OXNAD1: variants seen among roughly 807,000 people sequenced by gnomAD.
OXNAD1 encodes the protein oxidoreductase NAD binding domain containing 1.
A neutral mutation model predicts 32.9 loss-of-function variants in OXNAD1; 34 were observed. The ratio of observed to expected loss-of-function variants is 1.03; its 90% CI spans 0.79 to 1.38. The LOEUF is 1.38. Among genes scored for constraint, OXNAD1 ranks in the 40% most tolerant of loss-of-function variants. OXNAD1 has a pLI of 0.00. For missense variants in OXNAD1, 407 were observed against 379.4 expected, an observed-to-expected ratio of 1.07 and a Z score of -0.60; for synonymous variants, 134 against 135.2, an observed-to-expected ratio of 0.99 and a Z score of 0.06.
At chr3:16,279,941 A>G (rs2065626855) in intron 4 of OXNAD1, among the ~76,000 whole-genome samples, 1 of 152,166 alleles carries the variant, frequency 6.6e-6, no homozygotes, top group Non-Finnish European at 1.5e-5. Flanking sequence ...GGATTAAAGG[A>G]GAAGCTTGTT....
intron 4 of OXNAD1, among the ~76,000 whole-genome samples, chr3:16,272,683 T>A (rs2065040079): frequency 6.9e-6 from 1 of 145,910 alleles, no homozygotes. Context: ...GTCTGTAAAA[T>A]TAGTTTAGCA....
rs1376772707 is a variant in OXNAD1 at position 16,289,655 on chromosome 3, C to T, written c.290+3207C>T. The stretch of plus-strand genomic sequence containing the variant: ...CAGCCCTGATTCTCACAGGACTGCA[C>T]ATAACATAGCACTGTATTCCTTGGC... On this transcript the variant is annotated intron_variant, in intron 5 of 8. Transcript: ENST00000285083. The surrounding 1 kb of genome is among the most constrained non-coding windows in gnomAD (Gnocchi z 4.9). Among the ~76,000 whole-genome samples the T allele has an allele frequency of 2.0e-5, 3 of 152,200 alleles. No individual in the cohort carries two copies. The highest frequency in any genetic ancestry group is 2.1e-4 in the South Asian group (1 of 4,832).
chr3:16,301,559 A>G lies in OXNAD1; in HGVS notation c.433-67A>G, dbSNP rs1235406806. 2.6e-6 allele frequency: 4 copies of G among 1,564,694 alleles called. No homozygotes were observed. Among genetic ancestry groups the G allele is most frequent in the Non-Finnish European group, 3.5e-6 (4 of 1,147,946 alleles). Reference sequence around the variant, plus strand: ...TACAGGAGATAGACCCAGTTTTATTAAAGTAGAACATTTGGTTTAAGACCT... The same window carrying G: ...TACAGGAGATAGACCCAGTTTTATTGAAGTAGAACATTTGGTTTAAGACCT... On this transcript the variant is annotated intron_variant, in intron 6 of 8. Transcript: ENST00000285083. This position sits in a 1 kb window ranked among gnomAD's most constrained non-coding sequence, Gnocchi z 4.1.
intron 6 of OXNAD1, 70 bp downstream of exon 6, chr3:16,295,067 C>A: frequency 6.8e-7 from 1 of 1,474,030 alleles, no homozygotes; most frequent in South Asian, 1.5e-5. Context: ...GTGTTAAGCT[C>A]ATTTGATTCA....
At position 16,271,835 on chromosome 3, in the gene OXNAD1, G is replaced by C; in HGVS notation, c.183+113G>C. On this transcript the variant is annotated intron_variant, in intron 4 of 8. Coordinates refer to ENST00000285083, the MANE Select transcript of OXNAD1 (RefSeq NM_138381.5). This position sits in a 1 kb window ranked among gnomAD's most constrained non-coding sequence, Gnocchi z 4.6. ...TCTGGTCCTTTTGAAGGAGAGTTGG[G>C]AAGTTTGTTATTTTTCTATTTAGAA... The C allele has an allele frequency of 1.1e-6, 1 of 910,134 alleles. No homozygotes were observed. The highest frequency in any genetic ancestry group is 1.7e-6 in the Non-Finnish European group (1 of 603,736). 56.4% of individuals were successfully genotyped at this position (910,134 alleles called of 1,614,324 possible).
rs897260521 is a variant in OXNAD1, at chr3:16,335,538, A to G, written c.*31-1574A>G. Among the ~76,000 whole-genome samples the G allele has an allele frequency of 6.6e-6, 1 of 152,164 alleles. No individual in the cohort carries two copies. The highest frequency in any genetic ancestry group is 1.5e-5 in the Non-Finnish European group (1 of 68,036). On this transcript the variant is annotated intron_variant, in intron 9 of 9. Transcript: ENST00000435829. This position sits in a 1 kb window ranked among gnomAD's most constrained non-coding sequence, Gnocchi z 4.7. ...AGAAAATCAAACACCACATGTTCTCACTTACAAGTGGGAGAGCTGAACGGT... is the reference window on the plus strand; with the variant it reads ...AGAAAATCAAACACCACATGTTCTCGCTTACAAGTGGGAGAGCTGAACGGT...
At chr3:16,310,235 C>T (rs955596839), downstream of OXNAD1, among the ~76,000 whole-genome samples, 4 of 152,142 alleles carry the variant, frequency 2.6e-5, no homozygotes, top group African/African-American at 7.2e-5. Context: ...TTAACTTACG[C>T]ATTTTGTGGA....
In OXNAD1 at chr3:16,305,279, C is replaced by T. The variant is rs2067470843; in HGVS notation, c.*1717C>T. 2.0e-5 allele frequency: 3 copies of T among 152,158 alleles called. No homozygotes were observed. The highest frequency in any genetic ancestry group is 4.4e-5 in the Non-Finnish European group (3 of 68,058). 9.4% of individuals were successfully genotyped at this position (152,158 alleles called of 1,614,324 possible). Reference sequence around the variant, plus strand: ...AGTGGAGGTGCAAAGTGAGCATCTCCAGTGCAGCATGGGATGGGAAGATAG... The same window carrying T: ...AGTGGAGGTGCAAAGTGAGCATCTCTAGTGCAGCATGGGATGGGAAGATAG... On this transcript the variant is annotated 3_prime_UTR_variant, in exon 9 of 9. Transcript: ENST00000285083. This position sits in a 1 kb window ranked among gnomAD's most constrained non-coding sequence, Gnocchi z 4.5.
chr3:16,290,871 G>A lies in OXNAD1; in HGVS notation c.291-3985G>A, dbSNP rs933517395. Among the ~76,000 whole-genome samples the A allele has an allele frequency of 6.6e-6, 1 of 152,068 alleles. No homozygotes were observed. Among genetic ancestry groups the A allele is most frequent in the Non-Finnish European group, 1.5e-5 (1 of 68,004 alleles). On this transcript the variant is annotated intron_variant, in intron 5 of 8. Coordinates refer to ENST00000285083, the MANE Select transcript of OXNAD1 (RefSeq NM_138381.5). This position sits in a 1 kb window ranked among gnomAD's most constrained non-coding sequence, Gnocchi z 4.2. ...GAGAACATCTTTTGCTTTTCTTTTAGGCCTGTATGTAGGTAAGCAACTGGG... is the reference window on the plus strand; with the variant it reads ...GAGAACATCTTTTGCTTTTCTTTTAAGCCTGTATGTAGGTAAGCAACTGGG...
At position 16,335,012 on chromosome 3, in the gene OXNAD1, T is replaced by G. The variant is rs2070711450; in HGVS notation, c.*31-2100T>G. Among the ~76,000 whole-genome samples the G allele has an allele frequency of 6.6e-6, 1 of 152,202 alleles. No individual in the cohort carries two copies. ...AAGCTGGCAATGGTCGGTAACAGAT[T>G]GTCTCCTAAAAGTCTCCACAAAGAA... On this transcript the variant is annotated intron_variant, in intron 9 of 9. Transcript: ENST00000435829. The surrounding 1 kb of genome is among the most constrained non-coding windows in gnomAD (Gnocchi z 4.7).
chr3:16,270,958 C>T lies in OXNAD1; in HGVS notation c.6C>T (p.Ala2=), dbSNP rs2064885176. The change falls in exon 3 of 9, where the codon GCC becomes GCT. Residue 2 remains alanine, a synonymous_variant. Coordinates refer to ENST00000285083, the MANE Select transcript of OXNAD1 (RefSeq NM_138381.5). ...CTGTTTGCCCAGAAAGCGCCATGGC[C>T]TGTGCTGCTGTTATGATTCCTGGGT... M[A]CAAVMIPGLL... is the part of the protein sequence containing the mutation. 1 of 1,614,108 alleles carries T rather than the reference C, an allele frequency of 6.2e-7. No individual in the cohort carries two copies. Among genetic ancestry groups the T allele is most frequent in the Non-Finnish European group, 8.5e-7 (1 of 1,180,014 alleles).
At chr3:16,266,795 G>A (rs2064552760) in intron 1 of OXNAD1, among the ~76,000 whole-genome samples, 1 of 152,148 alleles carries the variant, frequency 6.6e-6, no homozygotes. Context: ...ACTGTTGCTT[G>A]CCAGGTACTT....
rs184272805 is a variant in OXNAD1 at position 16,277,127 on chromosome 3, C to T, written c.183+5405C>T. On this transcript the variant is annotated intron_variant, in intron 4 of 8. Coordinates refer to ENST00000285083, the MANE Select transcript of OXNAD1 (RefSeq NM_138381.5). The surrounding 1 kb of genome is among the most constrained non-coding windows in gnomAD (Gnocchi z 4.3). The stretch of plus-strand genomic sequence containing the variant: ...TATTTTTAGTAGAGACGGGGTTTCA[C>T]TGTGTTGGCCAGGCTTGTCTTGAAC... Among the ~76,000 whole-genome samples, 113 of 152,138 alleles carry T rather than the reference C, an allele frequency of 7.4e-4. No homozygotes were observed. Among genetic ancestry groups the T allele is most frequent in the Admixed American group, 2.3e-3 (35 of 15,264 alleles).
rs1473288335 is a variant in OXNAD1 at position 16,304,887 on chromosome 3, G to A, written c.*1325G>A. The stretch of plus-strand genomic sequence containing the variant: ...TTCATGGGACCTGAAGGTGACTCTA[G>A]CTTCTGCCCAGTTTTGAGTTTTGTC... On this transcript the variant is annotated 3_prime_UTR_variant, in exon 9 of 9. Transcript: ENST00000285083. The surrounding 1 kb of genome is among the most constrained non-coding windows in gnomAD (Gnocchi z 4.6). The A allele has an allele frequency of 1.3e-5, 2 of 152,226 alleles. No homozygotes were observed. The highest frequency in any genetic ancestry group is 2.9e-5 in the Non-Finnish European group (2 of 68,062). The allele number at this position is 152,226 out of a possible 1,614,324, so 9.4% of individuals were successfully genotyped here. A position where few individuals can be genotyped will look rare whatever the true frequency, so the allele number is the denominator to read the frequency against.
In OXNAD1 at chr3:16,312,355, C is replaced by A. The variant is rs987629119; in HGVS notation, c.*30+8763C>A. ...AGGCAGAGCACTAATCACCAGGGGC[C>A]CACCCTGCACTACTCACGCAGTTGG... is the stretch of plus-strand genomic sequence containing the variant. On this transcript the variant is annotated intron_variant, in intron 9 of 9. Coordinates refer to the OXNAD1 transcript ENST00000435829. The surrounding 1 kb of genome is among the most constrained non-coding windows in gnomAD (Gnocchi z 4.7). 8.5e-5 allele frequency among the ~76,000 whole-genome samples: 13 copies of A among 152,154 alleles called. No homozygotes were observed. Among genetic ancestry groups the A allele is most frequent in the Non-Finnish European group, 1.9e-4 (13 of 68,024 alleles).
In OXNAD1 at chr3:16,301,600, A is replaced by G. The variant is rs2067185123; in HGVS notation, c.433-26A>G. ...TTTAAGACCTTTGCTACAAAAGACT[A>G]AAAGGTCTTTTCTTTCCTGCCTTAG... On this transcript the variant is annotated intron_variant, in intron 6 of 8. Transcript: ENST00000285083. The surrounding 1 kb of genome is among the most constrained non-coding windows in gnomAD (Gnocchi z 4.1). The G allele has an allele frequency of 6.2e-7, 1 of 1,612,186 alleles. No homozygotes were observed. Among genetic ancestry groups the G allele is most frequent in the Non-Finnish European group, 8.5e-7 (1 of 1,178,806 alleles).
At chr3:16,310,779 C>G (rs934664492), downstream of OXNAD1, among the ~76,000 whole-genome samples, 3 of 151,942 alleles carry the variant, frequency 2.0e-5, no homozygotes, top group Admixed American at 2.0e-4. Context: ...CACCTGAGGT[C>G]GGGAGTTCAA....
At chr3:16,267,155 C>G (rs2064580746) in intron 1 of OXNAD1, among the ~76,000 whole-genome samples, 1 of 152,194 alleles carries the variant, frequency 6.6e-6, no homozygotes, top group Non-Finnish European at 1.5e-5. Context: ...CCTAATGTAT[C>G]AGCAAGTTTT....
chr3:16,279,023 G>A (rs1451901301), intron 4 of OXNAD1, among the ~76,000 whole-genome samples: 1 of 152,144 alleles, frequency 6.6e-6, no homozygotes, highest in African/African-American at 2.4e-5. Flanking sequence ...TGAGGTAGGG[G>A]GCATCTTTTC....
Sources: gnomAD v4.1 joint callset for allele counts (sites outside exome capture counted in the v4.1 genomes callset) on GRCh38, gnomAD v4.1.1 for gene constraint, Gnocchi (gnomAD v3.1) non-coding constraint, MANE v1.5 for transcripts, NCBI Gene and HGNC (gene_info 2026-07-23, HGNC 2026-07-21) for gene names.